The following ANO1 variants were observed in gnomAD, a reference collection of about 807,000 sequenced individuals.
The protein encoded by ANO1 is anoctamin-1.
A neutral mutation model predicts 124.0 loss-of-function variants in ANO1; 59 were observed. The ratio of observed to expected loss-of-function variants is 0.48; its 90% CI spans 0.39 to 0.59. ANO1 has a LOEUF of 0.59. Among genes scored for constraint, ANO1 ranks in the 20% least tolerant of loss-of-function variants. The pLI is 0.00. For synonymous variants in ANO1, 529 were observed against 532.0 expected, an observed-to-expected ratio of 0.99 and a Z score of 0.08; for missense variants, 1,059 against 1,328.0, an observed-to-expected ratio of 0.80 and a Z score of 3.15.
At chr11:70,095,212 AAGAG>A (rs5792509) in intron 2 of ANO1, among the ~76,000 whole-genome samples, 20 of 100,496 alleles carry the variant, frequency 2.0e-4, no homozygotes, top group African/African-American at 4.3e-4. Context: ...TCAAAAAAGA[AAGAG>A]AGAGAGAGAG....
At chr11:70,105,636 C>T (rs188140075) in intron 4 of ANO1, 98 bp from the exon 5 acceptor site, 200 of 1,147,972 alleles carry the variant, frequency 1.7e-4, no homozygotes, top group African/African-American at 1.7e-3. Flanking sequence ...TTCACGGTCA[C>T]GGCTAATGGG....
chr11:70,040,899 T>A (rs577977940), intron 1 of ANO1, among the ~76,000 whole-genome samples: 2 of 152,320 alleles, frequency 1.3e-5, no homozygotes, highest in African/African-American at 4.8e-5. Context: ...GGTGTAAGTC[T>A]TAAAGAAGCC....
At chr11:70,101,137 C>T (rs543136470) in intron 2 of ANO1, among the ~76,000 whole-genome samples, 2 of 152,076 alleles carry the variant, frequency 1.3e-5, no homozygotes, top group Admixed American at 6.5e-5. Flanking sequence ...CTCCCTTCCT[C>T]GGTGGTCACC....
chr11:70,079,187 C>T (rs1227320791), intron 1 of ANO1, among the ~76,000 whole-genome samples: 1 of 152,142 alleles, frequency 6.6e-6, no homozygotes, highest in African/African-American at 2.4e-5. Flanking sequence ...ATGGTAACTG[C>T]CAGGCCCCAC....
At chr11:70,101,298 T>C (rs1235045959) in intron 2 of ANO1, among the ~76,000 whole-genome samples, 1 of 151,922 alleles carries the variant, frequency 6.6e-6, no homozygotes, top group Non-Finnish European at 1.5e-5. Flanking sequence ...TTAAAACTCA[T>C]CCCCAAGTAC....
At chr11:70,178,475 C>T (rs1325542750) in intron 22 of ANO1, among the ~76,000 whole-genome samples, 2 of 152,254 alleles carry the variant, frequency 1.3e-5, no homozygotes, top group Admixed American at 1.3e-4. Flanking sequence ...GCGATAGTCC[C>T]CATGGCCCGA....
At chr11:70,168,903 CT>C (rs2048353940) in intron 21 of ANO1, among the ~76,000 whole-genome samples, 1 of 152,176 alleles carries the variant, frequency 6.6e-6, no homozygotes, top group African/African-American at 2.4e-5. Context: ...TTGCCATTGA[CT>C]CAGGAGGAGA....
the ANO1 span, among the ~76,000 whole-genome samples, chr11:69,975,599 C>T: frequency 1.3e-5 from 2 of 152,212 alleles, no homozygotes; most frequent in African/African-American, 2.4e-5. Flanking sequence ...GCCAGAGGGA[C>T]ACCCCCTCAC....
chr11:70,004,271 A>G (rs1006719640), intron 1 of ANO1, among the ~76,000 whole-genome samples: 1 of 141,622 alleles, frequency 7.1e-6, no homozygotes, highest in African/African-American at 2.5e-5. Flanking sequence ...GATGTAGTCC[A>G]GAACACAGTT....
chr11:70,109,680 G>A (rs940022367), intron 6 of ANO1, among the ~76,000 whole-genome samples: 9 of 152,298 alleles, frequency 5.9e-5, no homozygotes, highest in South Asian at 2.1e-4. Context: ...TCCCAGGGCC[G>A]GGTCTTGGAC....
At chr11:70,077,211 G>A (rs960180007), upstream of ANO1, among the ~76,000 whole-genome samples, 2 of 152,208 alleles carry the variant, frequency 1.3e-5, no homozygotes, top group African/African-American at 4.8e-5. Context: ...GTGTGAACCT[G>A]GTAGACAACC....
the ANO1 span, among the ~76,000 whole-genome samples, chr11:69,975,959 T>G: frequency 2.0e-5 from 3 of 152,156 alleles, no homozygotes; most frequent in African/African-American, 7.2e-5. Context: ...GCCCTTGGCC[T>G]TGCTGTCCTC....
At chr11:70,040,998 G>T (rs11237590) in intron 1 of ANO1, among the ~76,000 whole-genome samples, 2 of 152,148 alleles carry the variant, frequency 1.3e-5, no homozygotes, top group Non-Finnish European at 2.9e-5. Context: ...GCTTGGTGGG[G>T]ACCTGATGGA....
intron 6 of ANO1, among the ~76,000 whole-genome samples, chr11:70,109,713 T>C (rs2045693967): frequency 6.6e-6 from 1 of 152,196 alleles, no homozygotes; most frequent in Non-Finnish European, 1.5e-5. Context: ...CCTGGGTCCC[T>C]GCAGCGTTCC....
intron 1 of ANO1, among the ~76,000 whole-genome samples, chr11:70,017,426 CTTCCTTCCTTCCTTCCTTCA>C (rs1389582631): frequency 3.1e-5 from 1 of 32,322 alleles, no homozygotes; most frequent in Non-Finnish European, 7.0e-5. Context: ...CAACAGTTTT[CTTCCTTCCTTCCTTCCTTCA>C]TTCCTTCCTT....
intron 1 of ANO1, among the ~76,000 whole-genome samples, chr11:70,011,837 T>C (rs565064115): frequency 7.9e-5 from 12 of 152,330 alleles, no homozygotes; most frequent in African/African-American, 2.9e-4. Context: ...TCGTTGTAAA[T>C]AAGAATTGTT....
At chr11:69,988,637 T>G (rs1856093497) in intron 1 of ANO1, among the ~76,000 whole-genome samples, 1 of 152,178 alleles carries the variant, frequency 6.6e-6, no homozygotes, top group African/African-American at 2.4e-5. Flanking sequence ...AGGGAGCAAT[T>G]GATTGGTACA....
chr11:70,075,075 A>G (rs2044041819), upstream of ANO1: 1 of 152,238 alleles, frequency 6.6e-6, no homozygotes. Flanking sequence ...GTTCCGGTCC[A>G]TGGTCTTGGT....
chr11:70,095,353 AG>A (rs1410467932), intron 2 of ANO1, among the ~76,000 whole-genome samples: 2 of 10,596 alleles, frequency 1.9e-4, no homozygotes, highest in African/African-American at 3.3e-4. Context: ...AGAAAAAGAA[AG>A]AAAGAAAGAA....
Sources: gnomAD v4.1 joint callset for allele counts (sites outside exome capture counted in the v4.1 genomes callset) on GRCh38, gnomAD v4.1.1 for gene constraint, MANE v1.5 for transcripts, NCBI Gene and HGNC (gene_info 2026-07-23, HGNC 2026-07-21) for gene names.